DPYSL3: variants seen among roughly 807,000 people sequenced by gnomAD.
DPYSL3 encodes dihydropyrimidinase-related protein 3.
A neutral mutation model predicts 66.1 loss-of-function variants in DPYSL3; 16 were observed. That is an observed-to-expected ratio of 0.24 (90% CI 0.16 to 0.37). DPYSL3 has a LOEUF of 0.37. Among genes scored for constraint, DPYSL3 ranks in the 10% least tolerant of loss-of-function variants. The pLI is 1.00. For missense variants in DPYSL3, 738 were observed against 916.2 expected (o/e 0.81, Z 2.51); for synonymous variants, 338 against 345.1 (o/e 0.98, Z 0.23).
At chr5:147,449,334 T>C (rs2126390233) in intron 1 of DPYSL3, among the ~76,000 whole-genome samples, 1 of 152,346 alleles carries the variant, frequency 6.6e-6, no homozygotes, top group Non-Finnish European at 1.5e-5. Context: ...CTACACGCCC[T>C]AGACCGAACT....
intron 1 of DPYSL3, among the ~76,000 whole-genome samples, chr5:147,488,307 G>C (rs543397895): frequency 6.6e-6 from 1 of 152,192 alleles, no homozygotes; most frequent in Admixed American, 6.5e-5. Context: ...TTTGGACAGC[G>C]TGTTGACAGC....
At position 147,416,876 on chromosome 5, in the gene DPYSL3, G is replaced by T. The variant is rs769472441; in HGVS notation, c.656-1003C>A. ...AATGCTTTATAAAATGGATGACTAG[G>T]AATCCACTTTAAATGTTGGGGTAGA... On this transcript the variant is annotated intron_variant, in intron 3 of 13. Coordinates refer to ENST00000343218, the MANE Select transcript of DPYSL3 (RefSeq NM_001197294.2). Among the ~76,000 whole-genome samples, 3 of 152,218 alleles carry T rather than the reference G, an allele frequency of 2.0e-5. No homozygotes were observed. The Middle Eastern group carries it at 0.01, about 518-fold the overall frequency.
At chr5:147,496,228 C>T (rs929977760) in intron 1 of DPYSL3, among the ~76,000 whole-genome samples, 37 of 152,190 alleles carry the variant, frequency 2.4e-4, no homozygotes, top group African/African-American at 8.4e-4. Flanking sequence ...CCCTTCCTTA[C>T]ATCTTATACA....
At chr5:147,480,914 G>C (rs953609858) in intron 1 of DPYSL3, among the ~76,000 whole-genome samples, 1 of 151,878 alleles carries the variant, frequency 6.6e-6, no homozygotes, top group Non-Finnish European at 1.5e-5. Flanking sequence ...TAGAGACAGG[G>C]TTTCTCCATG....
At chr5:147,502,809 C>G (rs554946118) in intron 1 of DPYSL3, among the ~76,000 whole-genome samples, 10 of 152,222 alleles carry the variant, frequency 6.6e-5, no homozygotes, top group Non-Finnish European at 1.3e-4. Flanking sequence ...ATCTCATGAC[C>G]TCGTCATCCG....
Position 147,481,436 on chromosome 5 carries a change from G to T in DPYSL3, c.381+28042C>A, listed in dbSNP as rs554652719. Among the ~76,000 whole-genome samples, 4 of 152,332 alleles carry T rather than the reference G, an allele frequency of 2.6e-5. No individual in the cohort carries two copies. In the East Asian group the frequency reaches 5.8e-4, roughly 22 times the overall value. ...CATGGATGCTGGCAGAAGACAGGAG[G>T]TTCCTGGGTCAGAGACAAATGACTT... On this transcript the variant is annotated intron_variant, in intron 1 of 13. Transcript: ENST00000343218.
intron 1 of DPYSL3, among the ~76,000 whole-genome samples, chr5:147,446,410 G>A (rs1486406623): frequency 1.3e-5 from 2 of 152,078 alleles, no homozygotes; most frequent in Admixed American, 6.5e-5. Context: ...ATAAAATCTC[G>A]TTTTACCCTT....
chr5:147,475,592 A>G (rs1436826009), intron 1 of DPYSL3, among the ~76,000 whole-genome samples: 1 of 152,156 alleles, frequency 6.6e-6, no homozygotes, highest in Admixed American at 6.5e-5. Flanking sequence ...TATTCAAAGG[A>G]ATAGAAAGAA....
At chr5:147,453,466 G>A in intron 1 of DPYSL3, 2 of 1,466,778 alleles carry the variant, frequency 1.4e-6, no homozygotes, top group South Asian at 1.3e-5. Context: ...CAGAGAAGCC[G>A]GCGGGATCCG....
At position 147,395,605 on chromosome 5, in the gene DPYSL3, C is replaced by T. The variant is rs760857578; in HGVS notation, c.1920G>A (p.Pro640=). 7 of 1,613,840 alleles carry T rather than the reference C, an allele frequency of 4.3e-6. No individual in the cohort carries two copies. Among genetic ancestry groups the T allele is most frequent in the South Asian group, 3.3e-5 (3 of 91,002 alleles). Residue 640 remains proline, a synonymous_variant, in exon 13 of 14, where the codon CCG becomes CCA. Transcript: ENST00000343218. ...AGSARGSPTR[P]NPPVRNLHQS... Reference sequence around the variant, plus strand: ...GATGAAGATTCCTCACAGGTGGGTTCGGCCGAGTAGGAGAGCCCCGAGCAG... The same window carrying T: ...GATGAAGATTCCTCACAGGTGGGTTTGGCCGAGTAGGAGAGCCCCGAGCAG...
At chr5:147,484,692 G>C (rs1191151657) in intron 1 of DPYSL3, among the ~76,000 whole-genome samples, 3 of 152,070 alleles carry the variant, frequency 2.0e-5, no homozygotes, top group African/African-American at 4.8e-5. Flanking sequence ...TTTTGGATAG[G>C]GGTTAAAAAA....
chr5:147,415,733 C>A lies in DPYSL3; in HGVS notation c.796G>T (p.Val266Leu). 1 of 1,614,044 alleles carries A rather than the reference C, an allele frequency of 6.2e-7. No homozygotes were observed. ...THWNDSVKQEVQNLIKDKGVN... is the reference protein window; with the variant it reads ...THWNDSVKQELQNLIKDKGVN... ...CCTTTGTCCTTGATGAGGTTCTGCA[C>A]TTCCTGCTTGACGCTGTCATTCCAG... Residue 266 changes from valine (V) to leucine (L), a missense_variant, in exon 4 of 14, where the codon GTG becomes TTG. Transcript: ENST00000343218.
At chr5:147,402,622 C>T (rs1437761472) in intron 8 of DPYSL3, among the ~76,000 whole-genome samples, 2 of 135,650 alleles carry the variant, frequency 1.5e-5, no homozygotes, top group African/African-American at 7.6e-5. Flanking sequence ...GCTGGGATTA[C>T]AGGCGTGAGC....
At chr5:147,458,622 C>T (rs567103860) in intron 1 of DPYSL3, among the ~76,000 whole-genome samples, 6 of 152,118 alleles carry the variant, frequency 3.9e-5, no homozygotes, top group South Asian at 4.1e-4. Flanking sequence ...GACCCCTTTC[C>T]GGTAATAGCA....
chr5:147,424,421 C>T (rs1752149002), intron 2 of DPYSL3, among the ~76,000 whole-genome samples: 2 of 152,188 alleles, frequency 1.3e-5, no homozygotes, highest in East Asian at 1.9e-4. Flanking sequence ...TTATACATCC[C>T]TAATGAATTT....
intron 1 of DPYSL3, among the ~76,000 whole-genome samples, chr5:147,452,881 G>GCGCACA (rs1478463531): frequency 7.3e-6 from 1 of 137,352 alleles, no homozygotes; most frequent in Non-Finnish European, 1.6e-5. Context: ...TGCATCGAAG[G>GCGCACA]CACACACACA....
chr5:147,468,377 T>C (rs939328939), intron 1 of DPYSL3, among the ~76,000 whole-genome samples: 3 of 152,236 alleles, frequency 2.0e-5, no homozygotes, highest in Non-Finnish European at 2.9e-5. Context: ...GATTTGCAAT[T>C]TGCCTTTGTT....
intron 8 of DPYSL3, chr5:147,402,018 T>C (rs1482220705): frequency 8.3e-6 from 2 of 241,478 alleles, no homozygotes; most frequent in Non-Finnish European, 1.6e-5. Flanking sequence ...ATTTCAGAAA[T>C]ACTAAAATGC....
At chr5:147,407,954 G>A (rs1456045780) in intron 7 of DPYSL3, among the ~76,000 whole-genome samples, 1 of 152,004 alleles carries the variant, frequency 6.6e-6, no homozygotes. Flanking sequence ...TTTTCTATAT[G>A]TGTTCTATTT....
Sources: allele counts gnomAD v4.1 joint callset (sites outside exome capture counted in the v4.1 genomes callset), GRCh38; gene constraint gnomAD v4.1.1; transcripts MANE v1.5; gene names NCBI Gene and HGNC (gene_info 2026-07-23, HGNC 2026-07-21).